The following KCNIP4 variants were observed in gnomAD, a reference collection of about 807,000 sequenced individuals.
KCNIP4 encodes the protein potassium voltage-gated channel interacting protein 4.
In KCNIP4, 12 loss-of-function variants were observed where a neutral mutation model predicts 34.0. That is an observed-to-expected ratio of 0.35 (90% CI 0.23 to 0.57). The LOEUF (loss-of-function observed/expected upper bound fraction) is 0.57, where lower values mean the gene tolerates loss of function less well. Ranked by LOEUF, KCNIP4 falls within the 20% of genes least tolerant of loss-of-function variation. The probability of loss-of-function intolerance (pLI) is 0.83; values close to 1 mark genes in which losing one functional copy is unlikely to be tolerated. For synonymous variants in KCNIP4, 124 were observed against 102.2 expected, an observed-to-expected ratio of 1.21 and a Z score of -1.29; for missense variants, 238 against 311.7, an observed-to-expected ratio of 0.76 and a Z score of 1.78.
chr4:20,990,362 T>C (rs952705401), intron 1 of KCNIP4, among the ~76,000 whole-genome samples: 1 of 152,206 alleles, frequency 6.6e-6, no homozygotes, highest in African/African-American at 2.4e-5. Flanking sequence ...GAAAGGTTAG[T>C]AAATGTGTCT....
chr4:21,205,685 T>A (rs1756805568), intron 1 of KCNIP4, among the ~76,000 whole-genome samples: 2 of 152,194 alleles, frequency 1.3e-5, no homozygotes, highest in African/African-American at 2.4e-5. Flanking sequence ...TGCAGTCTTA[T>A]CTCCATTTTA....
intron 5 of KCNIP4, 72 bp downstream of exon 5, chr4:20,749,589 CA>C: frequency 1.9e-6 from 2 of 1,077,394 alleles, no homozygotes. Context: ...TAATCATCAC[CA>C]AACTCACATT....
intron 1 of KCNIP4, among the ~76,000 whole-genome samples, chr4:21,931,715 C>G (rs139044056): frequency 6.6e-6 from 1 of 151,942 alleles, no homozygotes; most frequent in Non-Finnish European, 1.5e-5. Flanking sequence ...TCTTTGCTAT[C>G]GTGAATAGTG....
rs6846183 is a variant in KCNIP4 at position 21,294,004 on chromosome 4, T to G, written c.62-411295A>C. On this transcript the variant is annotated intron_variant, in intron 1 of 8. Transcript: ENST00000382152. ...GCCTTGACCACTTCTAGTTATATGA[T>G]CTTAGGTGAGTGGCTGAAATTTCAC... is the stretch of plus-strand genomic sequence containing the variant. Among the ~76,000 whole-genome samples, 787 of 152,292 alleles carry G rather than the reference T, an allele frequency of 5.2e-3. 11 individuals carry two copies. Among genetic ancestry groups the G allele is most frequent in the African/African-American group, 0.018 (750 of 41,562 alleles).
intron 5 of KCNIP4, among the ~76,000 whole-genome samples, chr4:20,749,087 G>T (rs1753076618): frequency 6.6e-6 from 1 of 151,414 alleles, no homozygotes; most frequent in South Asian, 2.1e-4. Flanking sequence ...GAACCTGGGA[G>T]GCAGAGGTTG....
chr4:20,858,395 C>T (rs1377487509), intron 2 of KCNIP4, among the ~76,000 whole-genome samples: 1 of 151,988 alleles, frequency 6.6e-6, no homozygotes, highest in Non-Finnish European at 1.5e-5. Flanking sequence ...CAGTCTGTGG[C>T]ATTGTGTTAT....
chr4:21,285,626 C>T (rs1340602514), intron 1 of KCNIP4, among the ~76,000 whole-genome samples: 4 of 151,772 alleles, frequency 2.6e-5, no homozygotes, highest in African/African-American at 7.3e-5. Context: ...GTCATGAGTT[C>T]GAGATCAGCC....
chr4:21,444,002 T>A (rs1560411602), intron 1 of KCNIP4, among the ~76,000 whole-genome samples: 2 of 152,072 alleles, frequency 1.3e-5, no homozygotes, highest in African/African-American at 4.8e-5. Context: ...AACACCTCTA[T>A]GCAAATAAAC....
chr4:21,136,913 G>C (rs146819751), intron 1 of KCNIP4, among the ~76,000 whole-genome samples: 1 of 151,870 alleles, frequency 6.6e-6, no homozygotes, highest in African/African-American at 2.4e-5. Flanking sequence ...AAGACCTCTC[G>C]TACCTTTTTA....
At chr4:21,266,345 G>T (rs1263969965) in intron 1 of KCNIP4, among the ~76,000 whole-genome samples, 4 of 152,080 alleles carry the variant, frequency 2.6e-5, no homozygotes, top group African/African-American at 9.7e-5. Context: ...TTTTCACTGA[G>T]GCTGAGCATT....
chr4:21,079,631 T>C (rs879269142), intron 1 of KCNIP4, among the ~76,000 whole-genome samples: 30 of 151,584 alleles, frequency 2.0e-4, no homozygotes, highest in Admixed American at 2.0e-3. Flanking sequence ...CCAGACCCTG[T>C]GAATATGTTA....
intron 1 of KCNIP4, among the ~76,000 whole-genome samples, chr4:21,169,660 T>TTGTTTGTGTG: frequency 7.3e-6 from 1 of 136,298 alleles, no homozygotes; most frequent in East Asian, 2.3e-4. Flanking sequence ...TACTTTATAT[T>TTGTTTGTGTG]TGTGTGTGTG....
rs1739097019 is a variant in KCNIP4, at chr4:21,556,930, A to AAAAAAAAAACAAAAAAAAAC, written c.61+391640_61+391641insGTTTTTTTTTGTTTTTTTTT. On this transcript the variant is annotated intron_variant, in intron 1 of 8. Transcript: ENST00000382152. ...AGCAAGACTCCATCTCAGAAAAAAA[A>AAAAAAAAAACAAAAAAAAAC]AAAAAAAAAAAAACCAGAAAACAAA... is the stretch of plus-strand genomic sequence containing the variant. Among the ~76,000 whole-genome samples, 264 of 108,190 alleles carry AAAAAAAAAACAAAAAAAAAC rather than the reference A, an allele frequency of 2.4e-3. 9 individuals carry two copies. Among genetic ancestry groups the AAAAAAAAAACAAAAAAAAAC allele is most frequent in the African/African-American group, 6.0e-3 (185 of 31,090 alleles). The allele number at this position is 108,190 out of a possible 152,430, so 71.0% of individuals were successfully genotyped here. A position where few individuals can be genotyped will look rare whatever the true frequency, so the allele number is the denominator to read the frequency against.
At chr4:21,794,961 T>C (rs1413535048) in intron 1 of KCNIP4, among the ~76,000 whole-genome samples, 1 of 152,110 alleles carries the variant, frequency 6.6e-6, no homozygotes, top group East Asian at 1.9e-4. Context: ...CCTTCGTCTC[T>C]CCAGCCAAAC....
intron 1 of KCNIP4, among the ~76,000 whole-genome samples, chr4:21,181,469 G>A (rs1028850432): frequency 3.3e-5 from 5 of 152,084 alleles, no homozygotes; most frequent in African/African-American, 4.8e-5. Flanking sequence ...CACATGGATT[G>A]CACTGACTTT....
intron 3 of KCNIP4, among the ~76,000 whole-genome samples, chr4:20,792,148 C>A (rs997993661): frequency 2.4e-4 from 36 of 152,186 alleles, no homozygotes; most frequent in African/African-American, 7.2e-4. Flanking sequence ...CTGAGGCAGG[C>A]GGATCATCTG....
intron 1 of KCNIP4, among the ~76,000 whole-genome samples, chr4:21,601,387 C>T (rs1023331859): frequency 6.6e-6 from 1 of 151,820 alleles, no homozygotes; most frequent in African/African-American, 2.4e-5. Flanking sequence ...AATATATATC[C>T]AGCTATAATA....
intron 1 of KCNIP4, among the ~76,000 whole-genome samples, chr4:21,861,668 A>G (rs1160692199): frequency 3.3e-5 from 5 of 151,474 alleles, no homozygotes; most frequent in African/African-American, 1.2e-4. Flanking sequence ...AAAAAAAAAA[A>G]AAAAAAAATC....
At chr4:21,252,136 T>A (rs1418503882) in intron 1 of KCNIP4, among the ~76,000 whole-genome samples, 1 of 150,076 alleles carries the variant, frequency 6.7e-6, no homozygotes, top group African/African-American at 2.4e-5. Context: ...TTTGTTTTTT[T>A]TTTTTTTTTT....
Sources: gnomAD v4.1 joint callset for allele counts (sites outside exome capture counted in the v4.1 genomes callset) on GRCh38, gnomAD v4.1.1 for gene constraint, MANE v1.5 for transcripts, NCBI Gene and HGNC (gene_info 2026-07-23, HGNC 2026-07-21) for gene names.